Variants in NPAS3 observed in about 807,000 individuals in gnomAD.
The protein encoded by NPAS3 is neuronal PAS domain-containing protein 3.
Under a neutral mutation model 73.1 loss-of-function variants are expected in NPAS3, and 14 were observed. The ratio of observed to expected loss-of-function variants is 0.19; its 90% CI spans 0.13 to 0.30. The LOEUF is 0.30. NPAS3 is among the 10% of genes least tolerant of loss of function. NPAS3 has a pLI of 1.00. For missense variants in NPAS3, 1,096 were observed against 1,250.0 expected (o/e 0.88, Z 1.86); for synonymous variants, 620 against 541.5 (o/e 1.14, Z -2.01).
chr14:33,669,027 G>T (rs11156808), intron 5 of NPAS3, among the ~76,000 whole-genome samples: 104,097 of 152,062 alleles, frequency 0.68, 35,875 homozygotes, highest in African/African-American at 0.77. Context: ...TGACAAATAC[G>T]GAAACATGTA....
chr14:33,789,508 T>G (rs1034225944), intron 9 of NPAS3, among the ~76,000 whole-genome samples: 1 of 151,992 alleles, frequency 6.6e-6, no homozygotes, highest in Non-Finnish European at 1.5e-5. Context: ...TCTTCAGGTT[T>G]ACTTTGTCAA....
intron 2 of NPAS3, among the ~76,000 whole-genome samples, chr14:33,197,887 C>T (rs1395109588): frequency 3.3e-5 from 5 of 152,202 alleles, no homozygotes; most frequent in East Asian, 3.9e-4. Flanking sequence ...CGGACCCTCG[C>T]GGTGAGTGTT....
chr14:33,245,779 T>C (rs376434601), intron 3 of NPAS3, among the ~76,000 whole-genome samples: 5 of 152,196 alleles, frequency 3.3e-5, no homozygotes, highest in African/African-American at 9.6e-5. Context: ...GTCAAACATT[T>C]CCTGACACTG....
intron 2 of NPAS3, among the ~76,000 whole-genome samples, chr14:33,187,329 C>T (rs2046013138): frequency 6.6e-6 from 1 of 152,176 alleles, no homozygotes; most frequent in Non-Finnish European, 1.5e-5. Flanking sequence ...GGGTTTCATG[C>T]ACACTACCCT....
intron 4 of NPAS3, among the ~76,000 whole-genome samples, chr14:33,450,597 T>C (rs2049746354): frequency 6.6e-6 from 1 of 152,246 alleles, no homozygotes; most frequent in African/African-American, 2.4e-5. Flanking sequence ...ATGGAATCTT[T>C]CCTTAAATAC....
chr14:33,501,526 C>A (rs1418172921), intron 4 of NPAS3, among the ~76,000 whole-genome samples: 1 of 151,842 alleles, frequency 6.6e-6, no homozygotes, highest in Non-Finnish European at 1.5e-5. Context: ...ATGTTGCAAC[C>A]TTCCTGTTAC....
intron 3 of NPAS3, among the ~76,000 whole-genome samples, chr14:33,272,671 C>A (rs1393494295): frequency 6.6e-6 from 1 of 152,126 alleles, no homozygotes; most frequent in Non-Finnish European, 1.5e-5. Flanking sequence ...CCTGCCTCAG[C>A]CTCCCAAAGT....
intron 4 of NPAS3, among the ~76,000 whole-genome samples, chr14:33,388,901 G>C (rs929510287): frequency 6.6e-6 from 1 of 152,122 alleles, no homozygotes; most frequent in Non-Finnish European, 1.5e-5. Context: ...CCTGTGGATT[G>C]TGCCTAGCAA....
intron 7 of NPAS3, among the ~76,000 whole-genome samples, chr14:33,746,199 A>ATTTTTTTTTTTT (rs1555326917): frequency 2.0e-5 from 3 of 148,934 alleles, no homozygotes; most frequent in African/African-American, 7.6e-5. Context: ...TTATTTATTT[A>ATTTTTTTTTTTT]TTTTTTTGAG....
chr14:33,510,705 A>C (rs1431614934), intron 4 of NPAS3, among the ~76,000 whole-genome samples: 1 of 152,062 alleles, frequency 6.6e-6, no homozygotes, highest in Non-Finnish European at 1.5e-5. Flanking sequence ...CTAAATTCTT[A>C]CATTGACTTT....
chr14:33,079,262 A>G (rs2041776524), intron 2 of NPAS3, among the ~76,000 whole-genome samples: 1 of 151,910 alleles, frequency 6.6e-6, no homozygotes, highest in Non-Finnish European at 1.5e-5. Context: ...TCTGTCTTCC[A>G]TACAGATACC....
intron 4 of NPAS3, among the ~76,000 whole-genome samples, chr14:33,543,059 G>A (rs886601532): frequency 1.3e-5 from 2 of 152,212 alleles, no homozygotes; most frequent in Non-Finnish European, 2.9e-5. Context: ...GCAGGCCAGT[G>A]CTTTGTGCTT....
chr14:33,601,336 C>G (rs2057392588), intron 5 of NPAS3, among the ~76,000 whole-genome samples: 1 of 152,220 alleles, frequency 6.6e-6, no homozygotes, highest in Admixed American at 6.5e-5. Context: ...GTTGGCAAAT[C>G]CAACCTTAGT....
At chr14:33,024,126 A>ATATG (rs879567675) in intron 1 of NPAS3, among the ~76,000 whole-genome samples, 3 of 144,368 alleles carry the variant, frequency 2.1e-5, no homozygotes, top group Non-Finnish European at 4.5e-5. Context: ...GTGTATATAT[A>ATATG]TGTGTGTGTG....
At chr14:33,436,205 A>T (rs11621942) in intron 4 of NPAS3, among the ~76,000 whole-genome samples, 3 of 152,118 alleles carry the variant, frequency 2.0e-5, no homozygotes, top group East Asian at 1.9e-4. Context: ...CGTGCATGTA[A>T]GTTTACCGTC....
chr14:33,329,105 A>G (rs536237395), intron 3 of NPAS3, among the ~76,000 whole-genome samples: 1 of 152,172 alleles, frequency 6.6e-6, no homozygotes, highest in Non-Finnish European at 1.5e-5. Context: ...TTGATAGCTC[A>G]GGTATGATGT....
intron 4 of NPAS3, among the ~76,000 whole-genome samples, chr14:33,524,653 G>A (rs2053712257): frequency 6.6e-6 from 1 of 152,156 alleles, no homozygotes; most frequent in African/African-American, 2.4e-5. Flanking sequence ...AAACTGGTTG[G>A]CTTACACAAC....
At chr14:33,017,534 G>A (rs2039438232) in intron 1 of NPAS3, among the ~76,000 whole-genome samples, 1 of 152,132 alleles carries the variant, frequency 6.6e-6, no homozygotes, top group South Asian at 2.1e-4. Context: ...TTAAAGAGAT[G>A]CTGCTTTAAT....
At chr14:33,395,346 G>C (rs915108182) in intron 4 of NPAS3, among the ~76,000 whole-genome samples, 1 of 151,788 alleles carries the variant, frequency 6.6e-6, no homozygotes, top group Non-Finnish European at 1.5e-5. Flanking sequence ...TTAATTTTGA[G>C]GGTGTTTATC....
Sources: gnomAD v4.1 joint callset for allele counts (sites outside exome capture counted in the v4.1 genomes callset) on GRCh38, gnomAD v4.1.1 for gene constraint, MANE v1.5 for transcripts, NCBI Gene and HGNC (gene_info 2026-07-23, HGNC 2026-07-21) for gene names.